Variants in PDE6A observed in about 807,000 individuals in gnomAD.
The protein encoded by PDE6A is phosphodiesterase 6A.
Under a neutral mutation model 106.3 loss-of-function variants are expected in PDE6A, and 84 were observed. The observed-to-expected ratio is 0.79, with a 90% CI of 0.66 to 0.95. PDE6A has a LOEUF of 0.95. PDE6A is among the 40% of genes least tolerant of loss of function. The probability of loss-of-function intolerance (pLI) is 0.00; values close to 1 mark genes in which losing one functional copy is unlikely to be tolerated. For synonymous variants in PDE6A, 394 were observed against 386.6 expected, an observed-to-expected ratio of 1.02 and a Z score of -0.23; for missense variants, 1,052 against 1,084.9, an observed-to-expected ratio of 0.97 and a Z score of 0.43.
rs148106409 is a variant in PDE6A, at chr5:149,914,683, C to A, written c.998+260G>T. On this transcript the variant is annotated intron_variant, in intron 6 of 21. Coordinates refer to ENST00000255266, the MANE Select transcript of PDE6A (RefSeq NM_000440.3). ...AAAAAAAAAAAAAAGGTAGCAGTAA[C>A]CTGACATTAATCAGTTATTTTTCTA... Among the ~76,000 whole-genome samples, 726 of 147,120 alleles carry A rather than the reference C, an allele frequency of 4.9e-3. 9 individuals carry two copies. The highest frequency in any genetic ancestry group is 0.016 in the African/African-American group (664 of 40,348).
rs748166271 is a variant in PDE6A at position 149,944,365 on chromosome 5, A to G, written c.309T>C (p.Asn103=). 1.2e-6 allele frequency: 2 copies of G among 1,614,168 alleles called. No individual in the cohort carries two copies. The highest frequency in any genetic ancestry group is 2.2e-5 in the South Asian group (2 of 91,076). ...RMSLFMYRTR[N]GIAELATRLF... is the part of the protein sequence containing the mutation. ...GCCTGGTGGCCAGCTCTGCGATGCC[A>G]TTGCGGGTCCGGTACATGAACAGGC... The change falls in exon 1 of 22, where the codon AAT becomes AAC. Residue 103 remains asparagine (N), a synonymous_variant. Coordinates refer to ENST00000255266, the MANE Select transcript of PDE6A (RefSeq NM_000440.3).
chr5:149,868,267 C>A, intron 17 of PDE6A, 109 bp from the exon 18 acceptor site: 1 of 1,126,338 alleles, frequency 8.9e-7, no homozygotes, highest in South Asian at 1.3e-5. Context: ...GTGACTTTGT[C>A]TCATTGTGAG....
chr5:149,886,645 C>T (rs568893482), intron 13 of PDE6A, among the ~76,000 whole-genome samples: 2 of 152,250 alleles, frequency 1.3e-5, no homozygotes, highest in South Asian at 4.2e-4. Flanking sequence ...GTCTCATCTC[C>T]CTCTGAACCT....
At chr5:149,907,271 C>T (rs200214897) in intron 7 of PDE6A, 41 bp downstream of exon 7, 18 of 1,425,918 alleles carry the variant, frequency 1.3e-5, no homozygotes, top group African/African-American at 2.8e-5. Context: ...CTTTCTTCCA[C>T]GTGATCCAAA....
intron 17 of PDE6A, among the ~76,000 whole-genome samples, chr5:149,877,284 TG>T (rs1399968230): frequency 6.6e-6 from 1 of 152,034 alleles, no homozygotes; most frequent in African/African-American, 2.4e-5. Flanking sequence ...ACAAATAGTC[TG>T]GGTCCAAATA....
chr5:149,860,576 C>A lies in PDE6A; in HGVS notation c.*319G>T. On this transcript the variant is annotated 3_prime_UTR_variant, in exon 22 of 22. Coordinates refer to ENST00000255266, the MANE Select transcript of PDE6A (RefSeq NM_000440.3). ...CCCACGGCCCGTGGGCCACATGCAG[C>A]CCAGGACGGCTTTGAATGCGGCCCA... The A allele has an allele frequency of 3.6e-6, 1 of 277,536 alleles. No individual in the cohort carries two copies. Among genetic ancestry groups the A allele is most frequent in the Non-Finnish European group, 6.8e-6 (1 of 146,200 alleles). 17.2% of individuals were successfully genotyped at this position (277,536 alleles called of 1,614,324 possible). A position where few individuals can be genotyped will look rare whatever the true frequency, so the allele number is the denominator to read the frequency against.
At chr5:149,924,464 T>TA in intron 4 of PDE6A, among the ~76,000 whole-genome samples, 1 of 150,180 alleles carries the variant, frequency 6.7e-6, no homozygotes, top group South Asian at 2.1e-4. Flanking sequence ...TATATATATA[T>TA]TTAGTTATAA....
At position 149,868,143 on chromosome 5, in the gene PDE6A, G is replaced by A. The variant is rs756926282; in HGVS notation, c.2151C>T (p.Thr717=). ...RKEIVMAMMM[T]ACDLSAITKP... ...TGGTGATGGCTGAGAGATCACAGGC[G>A]GTCATCATCATGGCCCTGGGCACAC... The change falls in exon 18 of 22, where the codon ACC becomes ACT. Residue 717 remains threonine (T), a synonymous_variant. Transcript: ENST00000255266. The A allele has an allele frequency of 9.3e-6, 15 of 1,614,092 alleles. No individual in the cohort carries two copies. Among genetic ancestry groups the A allele is most frequent in the South Asian group, 4.4e-5 (4 of 91,072 alleles).
chr5:149,887,468 A>G (rs1752355368), intron 13 of PDE6A, among the ~76,000 whole-genome samples: 1 of 152,178 alleles, frequency 6.6e-6, no homozygotes, highest in Non-Finnish European at 1.5e-5. Flanking sequence ...ATTCAAGATC[A>G]GCTTAGGCAA....
intron 16 of PDE6A, among the ~76,000 whole-genome samples, chr5:149,884,262 A>ATATATGTGTATATATGTG: frequency 6.8e-6 from 1 of 146,858 alleles, no homozygotes; most frequent in African/African-American, 2.5e-5. Context: ...ATATATGTGT[A>ATATATGTGTATATATGTG]TATATATGTA....
rs867610130 is a variant in PDE6A, at chr5:149,875,582, C to G, written c.2136-7424G>C. On this transcript the variant is annotated intron_variant, in intron 17 of 21. Coordinates refer to ENST00000255266, the MANE Select transcript of PDE6A (RefSeq NM_000440.3). ...AGGGCTCGCTGCAGCCTCAACCTCT[C>G]GGGCTCAAGCAGTCCCTCCACCTCA... 4.0e-5 allele frequency among the ~76,000 whole-genome samples: 6 copies of G among 151,202 alleles called. No individual in the cohort carries two copies. The South Asian group carries it at 6.3e-4, about 16-fold the overall frequency.
chr5:149,908,734 A>T (rs1240827216), intron 6 of PDE6A, among the ~76,000 whole-genome samples: 1 of 152,180 alleles, frequency 6.6e-6, no homozygotes, highest in East Asian at 1.9e-4. Context: ...AATATTAATT[A>T]GAACTCAGGC....
At chr5:149,872,252 A>G (rs1017216429) in intron 17 of PDE6A, among the ~76,000 whole-genome samples, 1 of 152,196 alleles carries the variant, frequency 6.6e-6, no homozygotes, top group African/African-American at 2.4e-5. Context: ...TGAGATATTC[A>G]TGTTAGGTTG....
At chr5:149,891,537 C>G (rs1328876439) in intron 13 of PDE6A, among the ~76,000 whole-genome samples, 1 of 152,072 alleles carries the variant, frequency 6.6e-6, no homozygotes, top group African/African-American at 2.4e-5. Context: ...CGTGGTAACT[C>G]ACACCTAAAA....
chr5:149,931,873 A>T, intron 3 of PDE6A: 1 of 618,016 alleles, frequency 1.6e-6, no homozygotes, highest in South Asian at 2.0e-5. Context: ...TGTTACCTCC[A>T]GAGTTTCTGG....
chr5:149,932,179 C>T, intron 3 of PDE6A: 2 of 1,231,638 alleles, frequency 1.6e-6, no homozygotes, highest in South Asian at 2.4e-5. Context: ...ACAGTCAGGT[C>T]ATCTGATGTT....
At position 149,933,932 on chromosome 5, in the gene PDE6A, G is replaced by C; in HGVS notation, c.715C>G (p.Gln239Glu). ...TTCCCTTGGCCCAAGCCCCTTACCT[G>C]GCCACGTCGAGTTTCACAGTTGTGC... is the stretch of plus-strand genomic sequence containing the variant. ...YLHNCETRRG[Q>E]ILLWSGSKVF... The change falls in exon 3 of 22, where the codon CAG (glutamine) becomes GAG (glutamate). Residue 239 changes from glutamine (Q) to glutamate (E), a missense_variant and splice_region_variant. Coordinates refer to ENST00000255266, the MANE Select transcript of PDE6A (RefSeq NM_000440.3). 6.2e-7 allele frequency: 1 copy of C among 1,611,730 alleles called. No individual in the cohort carries two copies. The highest frequency in any genetic ancestry group is 8.5e-7 in the Non-Finnish European group (1 of 1,178,070).
intron 17 of PDE6A, among the ~76,000 whole-genome samples, chr5:149,881,044 CAG>C (rs1284406094): frequency 1.3e-5 from 2 of 152,072 alleles, no homozygotes; most frequent in Non-Finnish European, 2.9e-5. Flanking sequence ...GCCTGGGTGA[CAG>C]AGTGAGACAC....
In PDE6A at chr5:149,934,736, T is replaced by C. The variant is rs1754135314; in HGVS notation, c.475-18A>G. 1 of 1,613,150 alleles carries C rather than the reference T, an allele frequency of 6.2e-7. No individual in the cohort carries two copies. Among genetic ancestry groups the C allele is most frequent in the Non-Finnish European group, 8.5e-7 (1 of 1,179,968 alleles). On this transcript the variant is annotated intron_variant, in intron 1 of 21. Transcript: ENST00000255266. ...TGCTCATCCTAAAGGAAGGCAGAGA[T>C]AAGCACGGACAGGCAAATGAAGAGC... is the stretch of plus-strand genomic sequence containing the variant.
Sources: allele counts gnomAD v4.1 joint callset (sites outside exome capture counted in the v4.1 genomes callset), GRCh38; gene constraint gnomAD v4.1.1; transcripts MANE v1.5; gene names NCBI Gene and HGNC (gene_info 2026-07-23, HGNC 2026-07-21).